JOSD1: variants seen among roughly 807,000 people sequenced by gnomAD.
The protein encoded by JOSD1 is josephin-1.
Under a neutral mutation model 24.3 loss-of-function variants are expected in JOSD1, and 11 were observed. That is an observed-to-expected ratio of 0.45 (90% confidence interval 0.29 to 0.75). The LOEUF (loss-of-function observed/expected upper bound fraction) is 0.75, where lower values mean the gene tolerates loss of function less well. Among genes scored for constraint, JOSD1 ranks in the 30% least tolerant of loss-of-function variants. The pLI, the probability that JOSD1 is intolerant of heterozygous loss-of-function variation, is 0.11. For missense variants in JOSD1, 184 were observed against 253.5 expected, an observed-to-expected ratio of 0.73 and a Z score of 1.86; for synonymous variants, 106 against 93.8, an observed-to-expected ratio of 1.13 and a Z score of -0.75.
rs1201742857 is a variant in JOSD1, at chr22:38,687,888, G to GT, written c.*13dup. ...CTGAAGGGGCTGAGGCGAGAGGGAG[G>GT]TTGGGCAGAACTGTTACACATCGGT... is the stretch of plus-strand genomic sequence containing the variant. On this transcript the variant is annotated 3_prime_UTR_variant, in exon 5 of 5. Coordinates refer to ENST00000683374, the MANE Select transcript of JOSD1 (RefSeq NM_001360236.2). The GT allele has an allele frequency of 1.3e-6, 2 of 1,584,380 alleles. No individual in the cohort carries two copies. The highest frequency in any genetic ancestry group is 1.7e-6 in the Non-Finnish European group (2 of 1,152,906).
At chr22:38,690,893 C>T (rs1222045538) in intron 2 of JOSD1, among the ~76,000 whole-genome samples, 3 of 151,930 alleles carry the variant, frequency 2.0e-5, no homozygotes, top group African/African-American at 7.2e-5. Flanking sequence ...TGGTGGTGCA[C>T]GCCTGTAGTC....
Position 38,688,015 on chromosome 22 carries a change from G to C in JOSD1, c.510-14C>G. 3 of 1,592,240 alleles carry C rather than the reference G, an allele frequency of 1.9e-6. No homozygotes were observed. Among genetic ancestry groups the C allele is most frequent in the Non-Finnish European group, 2.6e-6 (3 of 1,160,266 alleles). On this transcript the variant is annotated splice_polypyrimidine_tract_variant and intron_variant, in intron 4 of 4. Coordinates refer to ENST00000683374, the MANE Select transcript of JOSD1 (RefSeq NM_001360236.2). ...TTTAGAAACTTCCTATGGAAAAAGAGATAGAGAAAATGAAATGCTGGCAAG... is the reference window on the plus strand; with the variant it reads ...TTTAGAAACTTCCTATGGAAAAAGACATAGAGAAAATGAAATGCTGGCAAG...
chr22:38,690,290 G>GC (rs1399961798), intron 2 of JOSD1, among the ~76,000 whole-genome samples: 1 of 152,136 alleles, frequency 6.6e-6, no homozygotes, highest in Non-Finnish European at 1.5e-5. Flanking sequence ...GCTACTACAT[G>GC]CCATCTCCAG....
chr22:38,697,170 G>A (rs2092549612), intron 2 of JOSD1, among the ~76,000 whole-genome samples: 1 of 152,220 alleles, frequency 6.6e-6, no homozygotes. Context: ...CAGGCAGCTA[G>A]TCAATGTTTG....
Position 38,700,499 on chromosome 22 carries a change from G to C in JOSD1, c.-512C>G, listed in dbSNP as rs929194610. Reference sequence around the variant, plus strand: ...TCGAGTAGCTAGCGCGGGCCGGCAGGCGTGGGACCGCGAGCCGCGCGGGGG... The same window carrying C: ...TCGAGTAGCTAGCGCGGGCCGGCAGCCGTGGGACCGCGAGCCGCGCGGGGG... On this transcript the variant is annotated 5_prime_UTR_variant, in exon 2 of 5. Transcript: ENST00000683374. 1 of 986,082 alleles carries C rather than the reference G, an allele frequency of 1.0e-6. No individual in the cohort carries two copies. Among genetic ancestry groups the C allele is most frequent in the Non-Finnish European group, 1.2e-6 (1 of 830,462 alleles). 61.1% of individuals were successfully genotyped at this position (986,082 alleles called of 1,614,324 possible).
Position 38,700,128 on chromosome 22 carries a change from G to A in JOSD1, c.-141C>T, listed in dbSNP as rs1569267764. Reference sequence around the variant, plus strand: ...TCCATGATTTATGCTTTGTCACTGGGAGAAAAGATTGGAATCAAAAGGAAA... The same window carrying A: ...TCCATGATTTATGCTTTGTCACTGGAAGAAAAGATTGGAATCAAAAGGAAA... On this transcript the variant is annotated 5_prime_UTR_variant, in exon 2 of 5. Coordinates refer to ENST00000683374, the MANE Select transcript of JOSD1 (RefSeq NM_001360236.2). 7.4e-7 allele frequency: 1 copy of A among 1,356,694 alleles called. No homozygotes were observed. The highest frequency in any genetic ancestry group is 2.8e-5 in the East Asian group (1 of 35,436). The allele number at this position is 1,356,694 out of a possible 1,614,324, so 84.0% of individuals were successfully genotyped here.
At chr22:38,697,231 C>T (rs2092549719) in intron 2 of JOSD1, among the ~76,000 whole-genome samples, 1 of 152,202 alleles carries the variant, frequency 6.6e-6, no homozygotes, top group Non-Finnish European at 1.5e-5. Flanking sequence ...TTGCTTTTTC[C>T]TCTAGATTCC....
In JOSD1 at chr22:38,689,306, C is replaced by T; in HGVS notation, c.304G>A (p.Asp102Asn). 1 of 1,614,246 alleles carries T rather than the reference C, an allele frequency of 6.2e-7. No individual in the cohort carries two copies. The highest frequency in any genetic ancestry group is 8.5e-7 in the Non-Finnish European group (1 of 1,180,038). ...QTKGYEAVWW[D>N]KRRDVGVIAL... ...CCTGATTCAGATTACCTGCGCTTGT[C>T]CCACCAAACAGCTTCATAGCCTTTG... Residue 102 changes from aspartate (D) to asparagine (N), a missense_variant, in exon 3 of 5, where the codon GAC becomes AAC. Coordinates refer to ENST00000683374, the MANE Select transcript of JOSD1 (RefSeq NM_001360236.2).
At position 38,687,897 on chromosome 22, in the gene JOSD1, A is replaced by G. The variant is rs770427390; in HGVS notation, c.*5T>C. On this transcript the variant is annotated 3_prime_UTR_variant, in exon 5 of 5. Transcript: ENST00000683374. The stretch of plus-strand genomic sequence containing the variant: ...CTGAGGCGAGAGGGAGGTTGGGCAG[A>G]ACTGTTACACATCGGTCCTCCAACT... 3 of 1,604,426 alleles carry G rather than the reference A, an allele frequency of 1.9e-6. No individual in the cohort carries two copies. In the South Asian group the frequency reaches 3.3e-5, roughly 18 times the overall value.
rs545559088 is a variant in JOSD1 at position 38,699,904 on chromosome 22, A to G, written c.84T>C (p.His28=). The change falls in exon 2 of 5, where the codon CAT becomes CAC. Residue 28 remains histidine, a synonymous_variant. Transcript: ENST00000683374. ...LPQAAPPQIY[H]EKQRRELCAL... is the part of the protein sequence containing the mutation. Reference sequence around the variant, plus strand: ...CACAAAGCTCCCTGCGCTGTTTCTCATGGTAGATTTGTGGGGGTGCTGCCT... The same window carrying G: ...CACAAAGCTCCCTGCGCTGTTTCTCGTGGTAGATTTGTGGGGGTGCTGCCT... 1.9e-6 allele frequency: 3 copies of G among 1,614,080 alleles called. No homozygotes were observed. The highest frequency in any genetic ancestry group is 1.7e-5 in the Admixed American group (1 of 60,014).
chr22:38,700,615 G>A lies in JOSD1; in HGVS notation c.-628C>T. The A allele has an allele frequency of 1.0e-6, 1 of 985,166 alleles. No homozygotes were observed. The highest frequency in any genetic ancestry group is 1.2e-6 in the Non-Finnish European group (1 of 829,720). The allele number at this position is 985,166 out of a possible 1,614,324, so 61.0% of individuals were successfully genotyped here. ...GCGCGGATTCTAGCCCTCTGGCCGC[G>A]GCCCTGCGGAGGAGGAGACAACTCC... On this transcript the variant is annotated 5_prime_UTR_variant, in exon 2 of 5. Coordinates refer to ENST00000683374, the MANE Select transcript of JOSD1 (RefSeq NM_001360236.2).
Position 38,700,050 on chromosome 22 carries a change from T to G in JOSD1, c.-63A>C. The G allele has an allele frequency of 6.6e-7, 1 of 1,516,072 alleles. No homozygotes were observed. Among genetic ancestry groups the G allele is most frequent in the Non-Finnish European group, 8.8e-7 (1 of 1,135,278 alleles). The allele number at this position is 1,516,072 out of a possible 1,614,324, so 93.9% of individuals were successfully genotyped here. ...CCCACTCTTCCCTCTAGAGGAAGAA[T>G]GTAAGCTTCTCAGTCTTTTCCGGAT... On this transcript the variant is annotated 5_prime_UTR_variant, in exon 2 of 5. Coordinates refer to ENST00000683374, the MANE Select transcript of JOSD1 (RefSeq NM_001360236.2).
In JOSD1 at chr22:38,700,433, G is replaced by C; in HGVS notation, c.-446C>G. ...TTTTGAACCACGACGCCAATGACTCGGGAGACAAGGCCTGGGTGACGGATA... is the reference window on the plus strand; with the variant it reads ...TTTTGAACCACGACGCCAATGACTCCGGAGACAAGGCCTGGGTGACGGATA... On this transcript the variant is annotated 5_prime_UTR_variant, in exon 2 of 5. Coordinates refer to ENST00000683374, the MANE Select transcript of JOSD1 (RefSeq NM_001360236.2). The C allele has an allele frequency of 1.0e-6, 1 of 987,740 alleles. No homozygotes were observed. Among genetic ancestry groups the C allele is most frequent in the Non-Finnish European group, 1.2e-6 (1 of 831,336 alleles). 61.2% of individuals were successfully genotyped at this position (987,740 alleles called of 1,614,324 possible).
In JOSD1 at chr22:38,700,520, G is replaced by C; in HGVS notation, c.-533C>G. 1.0e-6 allele frequency: 1 copy of C among 986,096 alleles called. No homozygotes were observed. Among genetic ancestry groups the C allele is most frequent in the African/African-American group, 1.7e-5 (1 of 57,364 alleles). The allele number at this position is 986,096 out of a possible 1,614,324, so 61.1% of individuals were successfully genotyped here. A position where few individuals can be genotyped will look rare whatever the true frequency, so the allele number is the denominator to read the frequency against. Reference sequence around the variant, plus strand: ...GCAGGCGTGGGACCGCGAGCCGCGCGGGGGCCTCGGGGGCAGCCCTCCATC... The same window carrying C: ...GCAGGCGTGGGACCGCGAGCCGCGCCGGGGCCTCGGGGGCAGCCCTCCATC... On this transcript the variant is annotated 5_prime_UTR_variant, in exon 2 of 5. Coordinates refer to ENST00000683374, the MANE Select transcript of JOSD1 (RefSeq NM_001360236.2).
At position 38,700,239 on chromosome 22, in the gene JOSD1, A is replaced by C. The variant is rs918401368; in HGVS notation, c.-252T>G. On this transcript the variant is annotated 5_prime_UTR_variant, in exon 2 of 5. Coordinates refer to ENST00000683374, the MANE Select transcript of JOSD1 (RefSeq NM_001360236.2). ...TTTGCTACCACTGTCAAAGTGCAGAATTTAAAAAAACACATAAAATGTAAG... is the reference window on the plus strand; with the variant it reads ...TTTGCTACCACTGTCAAAGTGCAGACTTTAAAAAAACACATAAAATGTAAG... The C allele has an allele frequency of 1.7e-6, 2 of 1,178,368 alleles. No homozygotes were observed. Among genetic ancestry groups the C allele is most frequent in the Admixed American group, 4.1e-5 (1 of 24,188 alleles). 73.0% of individuals were successfully genotyped at this position (1,178,368 alleles called of 1,614,324 possible). A position where few individuals can be genotyped will look rare whatever the true frequency, so the allele number is the denominator to read the frequency against.
chr22:38,689,283 T>C lies in JOSD1; in HGVS notation c.314+13A>G, dbSNP rs879000870. ...GTGCTGTTCTCCATCAAGTCAAGCC[T>C]GATTCAGATTACCTGCGCTTGTCCC... On this transcript the variant is annotated intron_variant, in intron 3 of 4. Coordinates refer to ENST00000683374, the MANE Select transcript of JOSD1 (RefSeq NM_001360236.2). 1 of 1,614,250 alleles carries C rather than the reference T, an allele frequency of 6.2e-7. No individual in the cohort carries two copies. Among genetic ancestry groups the C allele is most frequent in the Non-Finnish European group, 8.5e-7 (1 of 1,180,028 alleles).
At chr22:38,691,133 G>C (rs1003219646) in intron 2 of JOSD1, among the ~76,000 whole-genome samples, 2 of 152,192 alleles carry the variant, frequency 1.3e-5, no homozygotes, top group Non-Finnish European at 2.9e-5. Context: ...GGGAGGCCAA[G>C]GTGGGAGTAT....
intron 2 of JOSD1, among the ~76,000 whole-genome samples, chr22:38,696,239 C>G (rs2092545561): frequency 6.6e-6 from 1 of 151,310 alleles, no homozygotes; most frequent in African/African-American, 2.4e-5. Context: ...CTTATACCCC[C>G]CCTTTTTTTT....
intron 2 of JOSD1, among the ~76,000 whole-genome samples, chr22:38,694,074 T>C (rs1480518668): frequency 6.6e-6 from 1 of 152,204 alleles, no homozygotes. Flanking sequence ...GTTAGGCAAT[T>C]TGAATACAGG....
Sources: gnomAD v4.1 joint callset for allele counts (sites outside exome capture counted in the v4.1 genomes callset) on GRCh38, gnomAD v4.1.1 for gene constraint, MANE v1.5 for transcripts, NCBI Gene and HGNC (gene_info 2026-07-23, HGNC 2026-07-21) for gene names.